Variants in PTPRT observed in about 807,000 individuals in gnomAD.
PTPRT encodes the protein protein tyrosine phosphatase receptor type T.
PTPRT carries 56 observed loss-of-function variants against 176.8 expected under a neutral mutation model. The ratio of observed to expected loss-of-function variants is 0.32; its 90% CI spans 0.26 to 0.40. The LOEUF is 0.40. PTPRT is among the 10% of genes least tolerant of loss of function. The pLI, the probability that PTPRT is intolerant of heterozygous loss-of-function variation, is 1.00. For missense variants in PTPRT, 1,540 were observed against 1,908.2 expected (o/e 0.81, Z 3.60); for synonymous variants, 783 against 739.0 (o/e 1.06, Z -0.96).
chr20:42,916,172 T>A (rs1366082836), intron 1 of PTPRT, among the ~76,000 whole-genome samples: 9 of 137,848 alleles, frequency 6.5e-5, no homozygotes, highest in Non-Finnish European at 6.2e-5. Context: ...TGTCCATGTG[T>A]TCTCATTGTT....
intron 11 of PTPRT, among the ~76,000 whole-genome samples, chr20:42,329,868 C>T (rs918783424): frequency 6.6e-6 from 1 of 151,952 alleles, no homozygotes; most frequent in Non-Finnish European, 1.5e-5. Context: ...TATGAATTAC[C>T]TTAGTATTGT....
chr20:43,115,094 T>C (rs2013006993), intron 1 of PTPRT, among the ~76,000 whole-genome samples: 1 of 152,196 alleles, frequency 6.6e-6, no homozygotes, highest in Non-Finnish European at 1.5e-5. Context: ...GGTCCTCTCC[T>C]CTCTGGATTA....
chr20:42,257,643 AC>A (rs59872515), intron 13 of PTPRT, among the ~76,000 whole-genome samples: 2,424 of 19,270 alleles, frequency 0.13, 188 homozygotes, highest in Non-Finnish European at 0.15. Context: ...ACCTCCCCCC[AC>A]CCCCCCCCCC....
chr20:42,543,279 GTAAC>G (rs2072615507), intron 7 of PTPRT, among the ~76,000 whole-genome samples: 3 of 152,126 alleles, frequency 2.0e-5, no homozygotes, highest in Admixed American at 2.0e-4. Context: ...ACTTTATCAA[GTAAC>G]TTTATATAAT....
chr20:42,736,159 T>A (rs957043139), intron 6 of PTPRT, among the ~76,000 whole-genome samples: 4 of 152,188 alleles, frequency 2.6e-5, no homozygotes, highest in Non-Finnish European at 5.9e-5. Context: ...TTTGGGGGCA[T>A]GTAATATAGT....
intron 27 of PTPRT, among the ~76,000 whole-genome samples, chr20:42,092,153 G>A (rs1186138074): frequency 6.6e-6 from 1 of 152,192 alleles, no homozygotes; most frequent in Non-Finnish European, 1.5e-5. Context: ...AACAGGGTCA[G>A]GGGAAGATGT....
intron 1 of PTPRT, among the ~76,000 whole-genome samples, chr20:43,107,146 A>G: frequency 6.6e-6 from 1 of 152,206 alleles, no homozygotes; most frequent in East Asian, 1.9e-4. Flanking sequence ...CAGATGAAAG[A>G]ATATAAACTG....
intron 7 of PTPRT, among the ~76,000 whole-genome samples, chr20:42,647,861 G>T: frequency 6.6e-6 from 1 of 152,140 alleles, no homozygotes; most frequent in East Asian, 1.9e-4. Flanking sequence ...TTTATCATAA[G>T]ATGCTGCAAG....
chr20:43,167,484 T>A (rs528429896), intron 1 of PTPRT, among the ~76,000 whole-genome samples: 1 of 152,032 alleles, frequency 6.6e-6, no homozygotes, highest in Admixed American at 6.6e-5. Flanking sequence ...ACAGCTATAG[T>A]CTAAAATGGC....
At chr20:42,407,040 T>C (rs2058967348) in intron 9 of PTPRT, among the ~76,000 whole-genome samples, 1 of 152,206 alleles carries the variant, frequency 6.6e-6, no homozygotes, top group South Asian at 2.1e-4. Flanking sequence ...GGGGTGAAGC[T>C]TGTGATCTAC....
chr20:42,938,034 C>T (rs533123949), intron 1 of PTPRT, among the ~76,000 whole-genome samples: 83 of 152,228 alleles, frequency 5.5e-4, no homozygotes, highest in African/African-American at 1.9e-3. Context: ...AAGATTTTAT[C>T]ATCAATGATT....
At chr20:42,805,025 T>C (rs1443989298) in intron 2 of PTPRT, among the ~76,000 whole-genome samples, 1 of 152,200 alleles carries the variant, frequency 6.6e-6, no homozygotes, top group Non-Finnish European at 1.5e-5. Flanking sequence ...ATAAGCTTTC[T>C]AGAGCCCTAC....
rs753788938 is a variant in PTPRT, at chr20:42,102,275, C to T, written c.3563G>A (p.Arg1188His). The stretch of plus-strand genomic sequence containing the variant: ...AATGCTGCAGTCCTCGGGCCGCACA[C>T]GGGGTGTCACAATGTTGAGGGTCTG... The part of the protein sequence containing the change: ...EFQTLNIVTP[R>H]VRPEDCSIGL... Residue 1188 changes from arginine (R) to histidine (H), a missense_variant, in exon 26 of 31, where the codon CGT becomes CAT. By Grantham distance (29) the Arg-to-His change is conservative. Coordinates refer to ENST00000373187, the MANE Select transcript of PTPRT (RefSeq NM_007050.6). 1.1e-5 allele frequency: 17 copies of T among 1,613,964 alleles called. No homozygotes were observed. The highest frequency in any genetic ancestry group is 6.6e-5 in the South Asian group (6 of 91,082).
At chr20:43,084,996 C>T (rs1454992193) in intron 1 of PTPRT, among the ~76,000 whole-genome samples, 1 of 152,150 alleles carries the variant, frequency 6.6e-6, no homozygotes, top group African/African-American at 2.4e-5. Flanking sequence ...ACTTTAACTA[C>T]CTTAACATTT....
At chr20:42,380,725 C>A (rs754157206) in intron 9 of PTPRT, among the ~76,000 whole-genome samples, 3 of 152,090 alleles carry the variant, frequency 2.0e-5, no homozygotes, top group African/African-American at 7.2e-5. Context: ...CTGAGCTCCC[C>A]GACAGTAGGG....
At chr20:42,285,742 A>T (rs1463946674) in intron 12 of PTPRT, among the ~76,000 whole-genome samples, 4 of 152,016 alleles carry the variant, frequency 2.6e-5, no homozygotes, top group Non-Finnish European at 5.9e-5. Flanking sequence ...AAAAAAGTCA[A>T]ACTGTCTCTG....
At chr20:42,495,407 G>A (rs2071635903) in intron 7 of PTPRT, among the ~76,000 whole-genome samples, 1 of 152,110 alleles carries the variant, frequency 6.6e-6, no homozygotes, top group Non-Finnish European at 1.5e-5. Context: ...GGGGCAGAAA[G>A]GGCTGGAAAG....
At chr20:42,370,079 T>G (rs2058567650) in intron 9 of PTPRT, among the ~76,000 whole-genome samples, 1 of 152,132 alleles carries the variant, frequency 6.6e-6, no homozygotes, top group South Asian at 2.1e-4. Context: ...ACCCGTGTGT[T>G]ATGAGCCATG....
At chr20:42,625,811 GC>G (rs2074278991) in intron 7 of PTPRT, among the ~76,000 whole-genome samples, 1 of 151,996 alleles carries the variant, frequency 6.6e-6, no homozygotes, top group Non-Finnish European at 1.5e-5. Flanking sequence ...ACAAGGAAGG[GC>G]CATATACTGA....
Sources: allele counts gnomAD v4.1 joint callset (sites outside exome capture counted in the v4.1 genomes callset), GRCh38; gene constraint gnomAD v4.1.1; transcripts MANE v1.5; gene names NCBI Gene and HGNC (gene_info 2026-07-23, HGNC 2026-07-21).